The following GCNT2 variants were observed in gnomAD, a reference collection of about 807,000 sequenced individuals.
GCNT2 encodes N-acetyllactosaminide beta-1,6-N-acetylglucosaminyl-transferase.
In GCNT2, 34 loss-of-function variants were observed where a neutral mutation model predicts 34.2. That is an observed-to-expected ratio of 1.00 (90% CI 0.76 to 1.32). The LOEUF is 1.32. GCNT2 is among the 40% of genes most tolerant of loss of function. The probability of loss-of-function intolerance (pLI) is 0.00; values close to 1 mark genes in which losing one functional copy is unlikely to be tolerated. For missense variants in GCNT2, 584 were observed against 489.4 expected (o/e 1.19, Z -1.82); for synonymous variants, 212 against 188.0 (o/e 1.13, Z -1.04).
At chr6:10,596,070 T>G (rs1764838645) in intron 3 of GCNT2, among the ~76,000 whole-genome samples, 1 of 152,208 alleles carries the variant, frequency 6.6e-6, no homozygotes, top group Non-Finnish European at 1.5e-5. Context: ...TAATAACAGT[T>G]CACTGAAAAG....
chr6:10,621,659 GA>G, intron 4 of GCNT2: 1 of 536,720 alleles, frequency 1.9e-6, no homozygotes, highest in Non-Finnish European at 3.4e-6. Flanking sequence ...TAGGGAGATG[GA>G]AAAATGGGTT....
intron 3 of GCNT2, among the ~76,000 whole-genome samples, chr6:10,534,098 C>T (rs1761640213): frequency 6.8e-6 from 1 of 147,406 alleles, no homozygotes; most frequent in Admixed American, 6.9e-5. Flanking sequence ...GTGGGTTCTA[C>T]TTCCTATGTC....
chr6:10,585,145 G>A (rs950503231), intron 3 of GCNT2, among the ~76,000 whole-genome samples: 1 of 151,570 alleles, frequency 6.6e-6, no homozygotes, highest in African/African-American at 2.4e-5. Flanking sequence ...TTCTGCCACT[G>A]ATAATCTTCT....
chr6:10,620,157 G>A (rs1428400989), intron 3 of GCNT2, among the ~76,000 whole-genome samples: 1 of 152,194 alleles, frequency 6.6e-6, no homozygotes, highest in Non-Finnish European at 1.5e-5. Flanking sequence ...TGTTCTGCAT[G>A]TGTGTGTTTG....
intron 3 of GCNT2, among the ~76,000 whole-genome samples, chr6:10,560,462 T>C (rs1269279642): frequency 6.6e-6 from 1 of 152,196 alleles, no homozygotes; most frequent in Non-Finnish European, 1.5e-5. Flanking sequence ...AACATCTTTT[T>C]GCAAACGTGC....
intron 3 of GCNT2, chr6:10,555,635 G>A (rs1762663494): frequency 2.1e-6 from 1 of 480,924 alleles, no homozygotes; most frequent in African/African-American, 2.1e-5. Context: ...CTGGAAGTGA[G>A]AGGAGAGGGG....
chr6:10,579,545 G>T (rs572843954), intron 3 of GCNT2, among the ~76,000 whole-genome samples: 1 of 152,222 alleles, frequency 6.6e-6, no homozygotes, highest in Admixed American at 6.5e-5. Context: ...GCCAGGCATG[G>T]TAGCTCATGC....
chr6:10,560,088 C>G (rs1489219036), intron 3 of GCNT2, among the ~76,000 whole-genome samples: 2 of 152,212 alleles, frequency 1.3e-5, no homozygotes, highest in East Asian at 3.9e-4. Flanking sequence ...TAATCAATAT[C>G]AGCTCTTCTA....
rs1761569814 is a variant in GCNT2 at position 10,532,951 on chromosome 6, A to ACATT, written c.925+3116_925+3119dup. Among the ~76,000 whole-genome samples the ACATT allele has an allele frequency of 3.2e-5, 3 of 94,390 alleles. No homozygotes were observed. In the South Asian group the frequency reaches 9.7e-4, roughly 31 times the overall value. 61.9% of individuals were successfully genotyped at this position (94,390 alleles called of 152,430 possible). ...TTTTTTTTTGGCAGGTGTGCGAGGG[A>ACATT]CATTTTGAGATTGTTCCAATTCATT... On this transcript the variant is annotated intron_variant, in intron 3 of 4. Coordinates refer to ENST00000495262, the MANE Select transcript of GCNT2 (RefSeq NM_145649.5).
rs1761345721 is a variant in GCNT2 at position 10,529,143 on chromosome 6, A to G, written c.232A>G (p.Met78Val). The G allele has an allele frequency of 3.1e-6, 5 of 1,614,016 alleles. No individual in the cohort carries two copies. Among genetic ancestry groups the G allele is most frequent in the African/African-American group, 2.7e-5 (2 of 74,924 alleles). The stretch of plus-strand genomic sequence containing the variant: ...TGATGAAGCTACCTGCTATGAGTAC[A>G]TGGTTCGAAGCCACTATGTAACAGA... ...TLDEATCYEY[M>V]VRSHYVTETL... The change falls in exon 3 of 5, where the codon ATG becomes GTG. Residue 78 changes from methionine to valine, a missense_variant. Met to Val is a conservative substitution (Grantham distance 21, BLOSUM62 1). Coordinates refer to ENST00000495262, the MANE Select transcript of GCNT2 (RefSeq NM_145649.5).
At chr6:10,623,804 GT>G (rs1372537038) in intron 4 of GCNT2, among the ~76,000 whole-genome samples, 1 of 152,144 alleles carries the variant, frequency 6.6e-6, no homozygotes, top group Non-Finnish European at 1.5e-5. Context: ...AAACCATGTT[GT>G]TTTTGGTTTG....
chr6:10,572,066 C>G (rs1169481166), intron 3 of GCNT2, among the ~76,000 whole-genome samples: 3 of 150,048 alleles, frequency 2.0e-5, no homozygotes, highest in African/African-American at 5.1e-5. Context: ...CAAAGCTTCT[C>G]TAGCTCTAGT....
intron 4 of GCNT2, among the ~76,000 whole-genome samples, chr6:10,624,543 A>G (rs1766180924): frequency 6.6e-6 from 1 of 152,208 alleles, no homozygotes; most frequent in Non-Finnish European, 1.5e-5. Flanking sequence ...GGGAGCTGCA[A>G]TTCAAGATGA....
rs938234134 is a variant in GCNT2, at chr6:10,627,175, G to A, written c.*568G>A. On this transcript the variant is annotated 3_prime_UTR_variant, in exon 5 of 5. Transcript: ENST00000495262. Reference sequence around the variant, plus strand: ...TTGGCTTACTCATGGACAAAGTTCTGTATATAGTATAAAGTCATTAACAAG... The same window carrying A: ...TTGGCTTACTCATGGACAAAGTTCTATATATAGTATAAAGTCATTAACAAG... 1 of 157,944 alleles carries A rather than the reference G, an allele frequency of 6.3e-6. No homozygotes were observed. The highest frequency in any genetic ancestry group is 2.4e-5 in the African/African-American group (1 of 41,462). The allele number at this position is 157,944 out of a possible 1,614,324, so 9.8% of individuals were successfully genotyped here.
intron 3 of GCNT2, among the ~76,000 whole-genome samples, chr6:10,551,318 C>A (rs896318747): frequency 2.0e-5 from 3 of 152,098 alleles, no homozygotes; most frequent in Non-Finnish European, 2.9e-5. Context: ...CCAGCTCACA[C>A]AGAGATGGCA....
At chr6:10,558,407 G>C (rs1214282736) in intron 3 of GCNT2, among the ~76,000 whole-genome samples, 1 of 152,160 alleles carries the variant, frequency 6.6e-6, no homozygotes, top group Admixed American at 6.5e-5. Context: ...CATATTATAT[G>C]TGTAGGATTT....
chr6:10,544,466 G>T (rs770342169), intron 3 of GCNT2, among the ~76,000 whole-genome samples: 1 of 149,412 alleles, frequency 6.7e-6, no homozygotes. Context: ...TTAGCAGGGC[G>T]TGGTGGCAGG....
chr6:10,568,219 T>C (rs3798699), intron 3 of GCNT2, among the ~76,000 whole-genome samples: 100,413 of 151,674 alleles, frequency 0.66, 33,786 homozygotes, highest in Middle Eastern at 0.74. Context: ...ATCTCCTTGT[T>C]TTTTGGATAT....
At position 10,528,969 on chromosome 6, in the gene GCNT2, T is replaced by G; in HGVS notation, c.58T>G (p.Phe20Val). 1 of 1,614,106 alleles carries G rather than the reference T, an allele frequency of 6.2e-7. No homozygotes were observed. The highest frequency in any genetic ancestry group is 8.5e-7 in the Non-Finnish European group (1 of 1,179,934). Residue 20 changes from phenylalanine (F) to valine (V), a missense_variant, in exon 3 of 5, where the codon TTT becomes GTT. Physicochemically the swap from Phe to Val is conservative, Grantham distance 50. Coordinates refer to ENST00000495262, the MANE Select transcript of GCNT2 (RefSeq NM_145649.5). ...FSASLISALI[F>V]VFVYNTELWE... ...CGCGTCTCTTATCTCTGCCCTGATT[T>G]TTGTATTTGTTTACAATACTGAGTT... is the stretch of plus-strand genomic sequence containing the variant.
Sources: gnomAD v4.1 joint callset for allele counts (sites outside exome capture counted in the v4.1 genomes callset) on GRCh38, gnomAD v4.1.1 for gene constraint, MANE v1.5 for transcripts, NCBI Gene and HGNC (gene_info 2026-07-23, HGNC 2026-07-21) for gene names.